The following NXNL1 variants were observed in gnomAD, a reference collection of about 807,000 sequenced individuals.
NXNL1 encodes nucleoredoxin like 1, also known as nucleoredoxin-like protein 1.
A neutral mutation model predicts 7.2 loss-of-function variants in NXNL1; 6 were observed. The observed-to-expected ratio is 0.83, with a 90% CI of 0.46 to 1.64. The LOEUF is 1.64. Ranked by LOEUF, NXNL1 falls within the 40% of genes most tolerant of loss-of-function variation. The pLI is 0.01. For missense variants in NXNL1, 308 were observed against 285.1 expected (o/e 1.08, Z -0.58); for synonymous variants, 133 against 127.2 (o/e 1.05, Z -0.31).
In NXNL1 at chr19:17,455,645, G is replaced by T. The variant is rs984306372; in HGVS notation, c.*2C>A. On this transcript the variant is annotated 3_prime_UTR_variant, in exon 2 of 2. Transcript: ENST00000301944. ...CCCACTCCTCTCCTCCACCCTAGCGGGTCAGAACAGCCCCCCGGCCCCGCC... is the reference window on the plus strand; with the variant it reads ...CCCACTCCTCTCCTCCACCCTAGCGTGTCAGAACAGCCCCCCGGCCCCGCC... 7.3e-5 allele frequency: 100 copies of T among 1,362,358 alleles called. No individual in the cohort carries two copies. In the African/African-American group the frequency reaches 1.3e-3, roughly 18 times the overall value. 84.4% of individuals were successfully genotyped at this position (1,362,358 alleles called of 1,614,324 possible). A position where few individuals can be genotyped will look rare whatever the true frequency, so the allele number is the denominator to read the frequency against.
At chr19:17,460,401 A>C (rs539238025) in intron 1 of NXNL1, 143 bp downstream of exon 1, 3 of 848,838 alleles carry the variant, frequency 3.5e-6, no homozygotes, top group Non-Finnish European at 5.3e-6. Flanking sequence ...AGCATGTGGA[A>C]GTGGGCACCC....
At chr19:17,458,285 T>C (rs1037006158) in intron 1 of NXNL1, among the ~76,000 whole-genome samples, 15 of 146,948 alleles carry the variant, frequency 1.0e-4, no homozygotes. Flanking sequence ...AGTGGCACGA[T>C]CTCGGGTCAC....
At chr19:17,458,220 C>CTTTTTTTTTTTTTCT (rs2074999950) in intron 1 of NXNL1, among the ~76,000 whole-genome samples, 1 of 122,182 alleles carries the variant, frequency 8.2e-6, no homozygotes, top group African/African-American at 3.1e-5. Flanking sequence ...TTCTTTCTTT[C>CTTTTTTTTTTTTTCT]TTTTTTTTTT....
chr19:17,457,733 T>A (rs2074998318), intron 1 of NXNL1, among the ~76,000 whole-genome samples: 1 of 152,206 alleles, frequency 6.6e-6, no homozygotes, highest in African/African-American at 2.4e-5. Context: ...ACTGCCCAGA[T>A]AACATACTAG....
chr19:17,459,948 A>T (rs547635180), intron 1 of NXNL1, among the ~76,000 whole-genome samples: 4 of 152,116 alleles, frequency 2.6e-5, no homozygotes, highest in Admixed American at 6.6e-5. Flanking sequence ...GGTTTCCCTC[A>T]TTGTATTTCC....
At chr19:17,457,856 C>G (rs2074998661) in intron 1 of NXNL1, among the ~76,000 whole-genome samples, 1 of 152,202 alleles carries the variant, frequency 6.6e-6, no homozygotes, top group South Asian at 2.1e-4. Context: ...GGAGGAATCT[C>G]CTCAGCTGCC....
chr19:17,455,996 T>A (rs2074992082), intron 1 of NXNL1, 37 bp from the exon 2 acceptor site: 1 of 1,596,092 alleles, frequency 6.3e-7, no homozygotes, highest in Non-Finnish European at 8.5e-7. Flanking sequence ...CGGATCCACA[T>A]CCCTGATGCT....
intron 1 of NXNL1, among the ~76,000 whole-genome samples, 187 bp from the exon 2 acceptor site, chr19:17,456,146 C>A (rs2074992681): frequency 6.6e-6 from 1 of 152,084 alleles, no homozygotes; most frequent in Admixed American, 6.6e-5. Context: ...TTGTCTCCAG[C>A]ACCCCAGGCA....
At position 17,455,663 on chromosome 19, in the gene NXNL1, G is replaced by GCCCCCCCCCCCCCCCCCCCCCCC; in HGVS notation, c.622_623insGGGGGGGGGGGGGGGGGGGGGGG (p.Ala208GlyfsTer64). On this transcript the variant is annotated frameshift_variant, in exon 2 of 2. Transcript: ENST00000301944. LOFTEE classifies it high-confidence loss of function. ...CCTAGCGGGTCAGAACAGCCCCCCG[G>GCCCCCCCCCCCCCCCCCCCCCCC]CCCCGCCCTCCTCCCCACCCCCTCC... The GCCCCCCCCCCCCCCCCCCCCCCC allele has an allele frequency of 1.3e-6, 1 of 771,714 alleles. No individual in the cohort carries two copies. Among genetic ancestry groups the GCCCCCCCCCCCCCCCCCCCCCCC allele is most frequent in the Non-Finnish European group, 2.2e-6 (1 of 464,464 alleles). The allele number at this position is 771,714 out of a possible 1,614,324, so 47.8% of individuals were successfully genotyped here. A position where few individuals can be genotyped will look rare whatever the true frequency, so the allele number is the denominator to read the frequency against.
Position 17,455,974 on chromosome 19 carries a change from G to C in NXNL1, c.327-15C>G. On this transcript the variant is annotated splice_polypyrimidine_tract_variant and intron_variant, in intron 1 of 1. Transcript: ENST00000301944. ...GCCCGAGGTCCCTGCGGAGCGGGCA[G>C]GTCAGTCTGGACGGATCCACATCCC... 6.3e-7 allele frequency: 1 copy of C among 1,597,558 alleles called. No homozygotes were observed. Among genetic ancestry groups the C allele is most frequent in the Non-Finnish European group, 8.5e-7 (1 of 1,179,542 alleles).
At chr19:17,457,528 C>T (rs1480855160) in intron 1 of NXNL1, among the ~76,000 whole-genome samples, 2 of 151,940 alleles carry the variant, frequency 1.3e-5, no homozygotes, top group Admixed American at 1.3e-4. Context: ...CGTACCACCA[C>T]ACCTAATTTT....
Position 17,460,725 on chromosome 19 carries a change from C to T in NXNL1, c.145G>A (p.Ala49Thr). 1 of 1,613,754 alleles carries T rather than the reference C, an allele frequency of 6.2e-7. No homozygotes were observed. The highest frequency in any genetic ancestry group is 8.5e-7 in the Non-Finnish European group (1 of 1,180,032). Residue 49 changes from alanine (A) to threonine (T), a missense_variant, in exon 1 of 2, where the codon GCC becomes ACC. Physicochemically the swap from Ala to Thr is moderately conservative, Grantham distance 58 (BLOSUM62 0). Coordinates refer to ENST00000301944, the MANE Select transcript of NXNL1 (RefSeq NM_138454.2). ...FGAGACPQCQ[A>T]FVPILKDFFV... ...AAGTCCTTGAGGATGGGCACGAAGG[C>T]CTGGCACTGTGGACAAGCCCCAGCA...
At position 17,455,851 on chromosome 19, in the gene NXNL1, G is replaced by A. The variant is rs1402977918; in HGVS notation, c.435C>T (p.Gly145=). The A allele has an allele frequency of 2.5e-6, 4 of 1,588,510 alleles. No individual in the cohort carries two copies. In the East Asian group the frequency reaches 9.0e-5, roughly 36 times the overall value. ...RDGADEIQRL[G]TACFANWQEA... ...CCTGCCAGTTGGCGAAGCAGGCGGT[G>A]CCCAGGCGCTGGATCTCGTCGGCGC... The change falls in exon 2 of 2, where the codon GGC becomes GGT. Residue 145 remains glycine (G), a synonymous_variant. Coordinates refer to ENST00000301944, the MANE Select transcript of NXNL1 (RefSeq NM_138454.2).
At chr19:17,458,500 A>G (rs8105205) in intron 1 of NXNL1, among the ~76,000 whole-genome samples, 128,740 of 151,436 alleles carry the variant, frequency 0.85, 55,699 homozygotes, top group Non-Finnish European at 0.91. Flanking sequence ...GAGCCACTGC[A>G]CCCAGCCTGA....
chr19:17,456,009 A>G (rs1420665803), intron 1 of NXNL1, 50 bp from the exon 2 acceptor site: 6 of 1,593,564 alleles, frequency 3.8e-6, no homozygotes, highest in Non-Finnish European at 5.1e-6. Context: ...CTGATGCTGA[A>G]CCAGAGAGCC....
In NXNL1 at chr19:17,455,663, G is replaced by GCGCC; in HGVS notation, c.622_623insGGCG (p.Ala208GlyfsTer10). On this transcript the variant is annotated frameshift_variant, in exon 2 of 2. Coordinates refer to ENST00000301944, the MANE Select transcript of NXNL1 (RefSeq NM_138454.2). LOFTEE classifies it high-confidence loss of function. Reference sequence around the variant, plus strand: ...CCTAGCGGGTCAGAACAGCCCCCCGGCCCCGCCCTCCTCCCCACCCCCTCC... The same window carrying GCGCC: ...CCTAGCGGGTCAGAACAGCCCCCCGGCGCCCCCCGCCCTCCTCCCCACCCCCTCC... 1 of 771,714 alleles carries GCGCC rather than the reference G, an allele frequency of 1.3e-6. No individual in the cohort carries two copies. The highest frequency in any genetic ancestry group is 2.2e-6 in the Non-Finnish European group (1 of 464,464). 47.8% of individuals were successfully genotyped at this position (771,714 alleles called of 1,614,324 possible).
At chr19:17,458,312 C>T (rs540425574) in intron 1 of NXNL1, among the ~76,000 whole-genome samples, 20 of 150,606 alleles carry the variant, frequency 1.3e-4, no homozygotes, top group South Asian at 1.0e-3. Flanking sequence ...CTCCACCTCC[C>T]GGGTTCACAC....
chr19:17,455,663 G>GCCCCCCCCCCCACCCCCCCCCCCCCCC lies in NXNL1; in HGVS notation c.622_623insGGGGGGGGGGGGGGGTGGGGGGGGGGG (p.Gly207_Ala208insGlyGlyGlyGlyGlyValGlyGlyGly). The GCCCCCCCCCCCACCCCCCCCCCCCCCC allele has an allele frequency of 2.6e-6, 2 of 771,714 alleles. No homozygotes were observed. Among genetic ancestry groups the GCCCCCCCCCCCACCCCCCCCCCCCCCC allele is most frequent in the Non-Finnish European group, 4.3e-6 (2 of 464,466 alleles). The allele number at this position is 771,714 out of a possible 1,614,324, so 47.8% of individuals were successfully genotyped here. On this transcript the variant is annotated inframe_insertion, in exon 2 of 2. Coordinates refer to ENST00000301944, the MANE Select transcript of NXNL1 (RefSeq NM_138454.2). Reference sequence around the variant, plus strand: ...CCTAGCGGGTCAGAACAGCCCCCCGGCCCCGCCCTCCTCCCCACCCCCTCC... The same window carrying GCCCCCCCCCCCACCCCCCCCCCCCCCC: ...CCTAGCGGGTCAGAACAGCCCCCCGGCCCCCCCCCCCACCCCCCCCCCCCCCCCCCCGCCCTCCTCCCCACCCCCTCC...
chr19:17,455,663 G>GGCCCCCCCCCCCCCCC lies in NXNL1; in HGVS notation c.622_623insGGGGGGGGGGGGGGGC (p.Ala208GlyfsTer14). The GGCCCCCCCCCCCCCCC allele has an allele frequency of 1.3e-6, 1 of 771,716 alleles. No homozygotes were observed. Among genetic ancestry groups the GGCCCCCCCCCCCCCCC allele is most frequent in the Non-Finnish European group, 2.2e-6 (1 of 464,466 alleles). The allele number at this position is 771,716 out of a possible 1,614,324, so 47.8% of individuals were successfully genotyped here. ...CCTAGCGGGTCAGAACAGCCCCCCG[G>GGCCCCCCCCCCCCCCC]CCCCGCCCTCCTCCCCACCCCCTCC... On this transcript the variant is annotated frameshift_variant, in exon 2 of 2. Transcript: ENST00000301944. LOFTEE classifies it high-confidence loss of function.
Sources: allele counts gnomAD v4.1 joint callset (sites outside exome capture counted in the v4.1 genomes callset), GRCh38; gene constraint gnomAD v4.1.1; transcripts MANE v1.5; gene names NCBI Gene and HGNC (gene_info 2026-07-23, HGNC 2026-07-21).